The following SGCD variants were observed in gnomAD, a reference collection of about 807,000 sequenced individuals.
The protein encoded by SGCD is delta-sarcoglycan.
In SGCD, 18 loss-of-function variants were observed where a neutral mutation model predicts 36.6. The ratio of observed to expected loss-of-function variants is 0.49; its 90% confidence interval spans 0.34 to 0.73. SGCD has a LOEUF of 0.73. Ranked by LOEUF, SGCD falls within the 30% of genes least tolerant of loss-of-function variation. SGCD has a pLI of 0.01. For synonymous variants in SGCD, 133 were observed against 130.6 expected (o/e 1.02, Z -0.12); for missense variants, 387 against 346.7 (o/e 1.12, Z -0.92).
intron 1 of SGCD, among the ~76,000 whole-genome samples, chr5:155,898,188 G>A (rs183590064): frequency 3.3e-5 from 5 of 152,174 alleles, no homozygotes; most frequent in Admixed American, 2.6e-4. Flanking sequence ...TTGGTAAATT[G>A]TCCCTGCTAT....
At chr5:156,252,649 G>A (rs1765611902) in intron 3 of SGCD, among the ~76,000 whole-genome samples, 1 of 152,146 alleles carries the variant, frequency 6.6e-6, no homozygotes, top group South Asian at 2.1e-4. Flanking sequence ...AGCAATAGTG[G>A]CCCCATTAGA....
the SGCD span, among the ~76,000 whole-genome samples, chr5:155,814,945 T>A: frequency 6.6e-6 from 1 of 152,210 alleles, no homozygotes; most frequent in Non-Finnish European, 1.5e-5. Context: ...AATGGCTATT[T>A]CTATGTTTGA....
chr5:156,646,218 A>G (rs1763219138), intron 6 of SGCD, among the ~76,000 whole-genome samples: 1 of 152,190 alleles, frequency 6.6e-6, no homozygotes. Flanking sequence ...AGGGAGCATG[A>G]GCATCTTGTT....
intron 3 of SGCD, among the ~76,000 whole-genome samples, chr5:156,218,324 T>C (rs1268883476): frequency 1.3e-5 from 2 of 152,118 alleles, no homozygotes; most frequent in Admixed American, 6.6e-5. Flanking sequence ...AGATATTACA[T>C]ATATCACTCT....
intron 1 of SGCD, among the ~76,000 whole-genome samples, chr5:155,942,282 CTA>C (rs1412327787): frequency 1.3e-5 from 2 of 148,576 alleles, no homozygotes; most frequent in African/African-American, 5.0e-5. Flanking sequence ...ATCTATGTAT[CTA>C]TGTATGTACG....
chr5:156,718,039 A>G (rs1750490079), intron 7 of SGCD, among the ~76,000 whole-genome samples: 1 of 152,046 alleles, frequency 6.6e-6, no homozygotes, highest in African/African-American at 2.4e-5. Flanking sequence ...TTATAGTAAA[A>G]CATCTTTCCA....
At chr5:155,956,255 C>A (rs1372624176) in intron 1 of SGCD, among the ~76,000 whole-genome samples, 1 of 151,918 alleles carries the variant, frequency 6.6e-6, no homozygotes, top group Non-Finnish European at 1.5e-5. Flanking sequence ...ACAGATATTA[C>A]TAGCTTGCAA....
At chr5:156,581,463 C>T (rs1213705526) in intron 4 of SGCD, among the ~76,000 whole-genome samples, 1 of 152,200 alleles carries the variant, frequency 6.6e-6, no homozygotes, top group Non-Finnish European at 1.5e-5. Flanking sequence ...AGCTGTCAGA[C>T]AGGGACGTTT....
At chr5:156,608,628 A>C (rs1403408762) in intron 6 of SGCD, among the ~76,000 whole-genome samples, 2 of 152,064 alleles carry the variant, frequency 1.3e-5, no homozygotes, top group African/African-American at 4.8e-5. Flanking sequence ...TGATCTGTCT[A>C]ATGTTGACAG....
chr5:156,417,491 A>G (rs1336832874), intron 3 of SGCD, among the ~76,000 whole-genome samples: 2 of 152,158 alleles, frequency 1.3e-5, no homozygotes, highest in African/African-American at 4.8e-5. Context: ...TTGGGCTGCC[A>G]TAACAAAATT....
chr5:156,222,068 G>A (rs974526072), intron 3 of SGCD, among the ~76,000 whole-genome samples: 8 of 152,010 alleles, frequency 5.3e-5, no homozygotes, highest in African/African-American at 7.2e-5. Flanking sequence ...GCTCCATATG[G>A]CATCACTAGA....
At chr5:155,994,162 C>G (rs1419994597) in intron 1 of SGCD, among the ~76,000 whole-genome samples, 1 of 152,184 alleles carries the variant, frequency 6.6e-6, no homozygotes, top group Non-Finnish European at 1.5e-5. Flanking sequence ...ACATCATACA[C>G]TTTGGTGGAA....
intron 3 of SGCD, among the ~76,000 whole-genome samples, chr5:156,454,586 A>C (rs1754170779): frequency 6.6e-6 from 1 of 152,168 alleles, no homozygotes; most frequent in Non-Finnish European, 1.5e-5. Flanking sequence ...AATCCTCTGG[A>C]GTACATACAG....
rs1209421786 is a variant in SGCD at position 156,056,654 on chromosome 5, A to AAAAAAAAAAAAAAAAAC, written c.-281-61213_-281-61212insAAAAACAAAAAAAAAAA. 2.2e-5 allele frequency among the ~76,000 whole-genome samples: 3 copies of AAAAAAAAAAAAAAAAAC among 137,916 alleles called. 1 individual carries two copies. The highest frequency in any genetic ancestry group is 8.4e-5 in the African/African-American group (3 of 35,756). 90.5% of individuals were successfully genotyped at this position (137,916 alleles called of 152,430 possible). ...CCTGCCAAATTATCCTTAAAAAAAAAAAAAAAAAAAACAGTCTCCAAATTT... is the reference window on the plus strand; with the variant it reads ...CCTGCCAAATTATCCTTAAAAAAAAAAAAAAAAAAAAAAAAACAAAAAAAAAAACAGTCTCCAAATTT... On this transcript the variant is annotated intron_variant, in intron 1 of 9. Coordinates refer to the SGCD transcript ENST00000517913.
intron 3 of SGCD, among the ~76,000 whole-genome samples, chr5:156,130,362 C>T (rs111665014): frequency 0.035 from 5,335 of 152,206 alleles, 302 homozygotes; most frequent in African/African-American, 0.12. Flanking sequence ...AATTTAACTT[C>T]CTTGTAGATG....
intron 3 of SGCD, among the ~76,000 whole-genome samples, chr5:156,367,443 G>T (rs1349548884): frequency 6.6e-6 from 1 of 152,166 alleles, no homozygotes; most frequent in Non-Finnish European, 1.5e-5. Context: ...GTAGGAAATT[G>T]TTATTCAAAA....
At chr5:155,863,941 G>A in the SGCD span, among the ~76,000 whole-genome samples, 9 of 152,028 alleles carry the variant, frequency 5.9e-5, no homozygotes, top group Admixed American at 5.9e-4. Flanking sequence ...CAGTAGGGGG[G>A]ACAGACAAAT....
chr5:156,604,421 C>T (rs866147605), intron 6 of SGCD, among the ~76,000 whole-genome samples: 15 of 151,960 alleles, frequency 9.9e-5, no homozygotes, highest in Middle Eastern at 6.8e-3. Context: ...ACTTACTCCT[C>T]CTCTTTTTTA....
chr5:155,762,658 C>G, the SGCD span, among the ~76,000 whole-genome samples: 3 of 152,120 alleles, frequency 2.0e-5, no homozygotes, highest in Admixed American at 2.0e-4. Context: ...ACAAGGTCAC[C>G]CAGCAGCTGG....
Sources: gnomAD v4.1 joint callset for allele counts (sites outside exome capture counted in the v4.1 genomes callset) on GRCh38, gnomAD v4.1.1 for gene constraint, MANE v1.5 for transcripts, NCBI Gene and HGNC (gene_info 2026-07-23, HGNC 2026-07-21) for gene names.